The following CAMKMT variants were observed in gnomAD, a reference collection of about 807,000 sequenced individuals.
CAMKMT encodes calmodulin-lysine N-methyltransferase, also known as CaM KMT.
A neutral mutation model predicts 48.0 loss-of-function variants in CAMKMT; 53 were observed. That is an observed-to-expected ratio of 1.10 (90% confidence interval 0.89 to 1.39). The LOEUF is 1.39. CAMKMT is among the 40% of genes most tolerant of loss of function. The probability of loss-of-function intolerance (pLI) is 0.00; values close to 1 mark genes in which losing one functional copy is unlikely to be tolerated. For synonymous variants in CAMKMT, 165 were observed against 152.3 expected, an observed-to-expected ratio of 1.08 and a Z score of -0.61; for missense variants, 428 against 402.7, an observed-to-expected ratio of 1.06 and a Z score of -0.54.
chr2:44,757,891 A>G (rs947806760), intron 9 of CAMKMT, among the ~76,000 whole-genome samples: 47 of 152,254 alleles, frequency 3.1e-4, no homozygotes, highest in Middle Eastern at 3.4e-3. Context: ...CCTTTTTCCA[A>G]GCATTTTCCT....
At chr2:44,424,985 C>G (rs913463435) in intron 3 of CAMKMT, among the ~76,000 whole-genome samples, 2 of 152,150 alleles carry the variant, frequency 1.3e-5, no homozygotes, top group Non-Finnish European at 2.9e-5. Flanking sequence ...TATACATGAT[C>G]TAGAACATGA....
chr2:44,743,658 A>C lies in CAMKMT; in HGVS notation c.660A>C (p.Gln220His). ...GGGATAATGAGACAGATGTCTCTCA[A>C]CTGGAAGGACATTTTGACATTGTTA... is the stretch of plus-strand genomic sequence containing the variant. ...LRWDNETDVS[Q>H]LEGHFDIVMC... The change falls in exon 8 of 11, where the codon CAA (glutamine) becomes CAC (histidine). Residue 220 changes from glutamine to histidine, a missense_variant. Gln to His is a conservative substitution (Grantham distance 24, BLOSUM62 0). Transcript: ENST00000378494. 2 of 1,613,484 alleles carry C rather than the reference A, an allele frequency of 1.2e-6. No individual in the cohort carries two copies. Among genetic ancestry groups the C allele is most frequent in the East Asian group, 2.2e-5 (1 of 44,858 alleles).
intron 7 of CAMKMT, among the ~76,000 whole-genome samples, chr2:44,715,665 C>T (rs1052488822): frequency 2.0e-5 from 3 of 152,182 alleles, no homozygotes; most frequent in Non-Finnish European, 4.4e-5. Flanking sequence ...TTAAATGGCT[C>T]TCTTCCAGTG....
At chr2:44,413,525 G>A (rs1018053221) in intron 3 of CAMKMT, among the ~76,000 whole-genome samples, 4 of 151,860 alleles carry the variant, frequency 2.6e-5, no homozygotes, top group East Asian at 1.9e-4. Context: ...GGTGGCATGC[G>A]CCTATAATCC....
chr2:44,527,785 G>GCCCC (rs71393280), intron 3 of CAMKMT, among the ~76,000 whole-genome samples: 22 of 84,814 alleles, frequency 2.6e-4, no homozygotes, highest in East Asian at 9.8e-4. Context: ...CATGTGTACA[G>GCCCC]CCCCCCCCCC....
chr2:44,397,687 G>C (rs1018522337), intron 3 of CAMKMT, among the ~76,000 whole-genome samples: 2 of 151,802 alleles, frequency 1.3e-5, no homozygotes, highest in Non-Finnish European at 2.9e-5. Context: ...AATTACCAGA[G>C]AAGGAAAAAG....
At chr2:44,455,285 G>T (rs929920299) in intron 3 of CAMKMT, among the ~76,000 whole-genome samples, 18 of 151,544 alleles carry the variant, frequency 1.2e-4, no homozygotes, top group African/African-American at 4.3e-4. Context: ...AGATGGGCAG[G>T]ATGAAAGAAG....
intron 3 of CAMKMT, among the ~76,000 whole-genome samples, chr2:44,546,017 G>A (rs1319464582): frequency 1.3e-5 from 2 of 152,014 alleles, no homozygotes; most frequent in Non-Finnish European, 2.9e-5. Flanking sequence ...TAAACTGTAA[G>A]TAAATTTCTC....
intron 3 of CAMKMT, among the ~76,000 whole-genome samples, chr2:44,445,542 C>T (rs1666930068): frequency 6.6e-6 from 1 of 151,918 alleles, no homozygotes; most frequent in Admixed American, 6.6e-5. Context: ...GGACATTCCC[C>T]TAAGATGCAC....
Position 44,515,718 on chromosome 2 carries a change from A to G in CAMKMT, c.376+125413A>G, listed in dbSNP as rs114198722. ...GCACATGTTGAAATTTGTAGTAGAC[A>G]GCTGGGAGGAACTAATGGAAGCTTA... On this transcript the variant is annotated intron_variant, in intron 3 of 10. Transcript: ENST00000378494. 2.7e-3 allele frequency among the ~76,000 whole-genome samples: 417 copies of G among 152,378 alleles called. 3 individuals are homozygous for G. The highest frequency in any genetic ancestry group is 9.8e-3 in the African/African-American group (406 of 41,584).
chr2:44,575,365 C>G (rs62131348), intron 3 of CAMKMT, among the ~76,000 whole-genome samples: 88,245 of 151,188 alleles, frequency 0.58, 26,371 homozygotes, highest in Middle Eastern at 0.66. Flanking sequence ...AGGCATGAGC[C>G]ACCACGCCCA....
chr2:44,683,065 A>G (rs940803246), intron 3 of CAMKMT, among the ~76,000 whole-genome samples: 1 of 152,138 alleles, frequency 6.6e-6, no homozygotes, highest in Non-Finnish European at 1.5e-5. Context: ...ATTTCTAAAG[A>G]TTTTATATTG....
rs1178541719 is a variant in CAMKMT, at chr2:44,684,203, T to G, written c.377-20080T>G. Among the ~76,000 whole-genome samples the G allele has an allele frequency of 2.6e-5, 4 of 152,324 alleles. No homozygotes were observed. In the East Asian group the frequency reaches 7.7e-4, roughly 29 times the overall value. ...TCCTGAGAAGTCCAGCATGAGTTCA[T>G]AGAGACCGTGATGACTTCTCCGTTC... is the stretch of plus-strand genomic sequence containing the variant. On this transcript the variant is annotated intron_variant, in intron 3 of 10. Transcript: ENST00000378494.
intron 3 of CAMKMT, among the ~76,000 whole-genome samples, chr2:44,435,028 G>C (rs964933914): frequency 6.6e-6 from 1 of 152,020 alleles, no homozygotes; most frequent in African/African-American, 2.4e-5. Context: ...AGCATCGTTA[G>C]GTTCTTTTGA....
At chr2:44,381,173 TG>T (rs2104386835) in intron 2 of CAMKMT, among the ~76,000 whole-genome samples, 1 of 151,976 alleles carries the variant, frequency 6.6e-6, no homozygotes, top group South Asian at 2.1e-4. Context: ...AAAGAAATAA[TG>T]CTTTCCAGAA....
At chr2:44,492,149 A>T (rs1050991741) in intron 3 of CAMKMT, among the ~76,000 whole-genome samples, 1 of 152,120 alleles carries the variant, frequency 6.6e-6, no homozygotes, top group South Asian at 2.1e-4. Context: ...TAATGAAATT[A>T]TGTCCCTTAT....
At chr2:44,621,373 A>G (rs192131675) in intron 3 of CAMKMT, among the ~76,000 whole-genome samples, 278 of 152,128 alleles carry the variant, frequency 1.8e-3, no homozygotes, top group African/African-American at 6.3e-3. Context: ...GGTCTTTCCA[A>G]GGCTCTACCT....
intron 3 of CAMKMT, among the ~76,000 whole-genome samples, chr2:44,553,740 A>G (rs1284902348): frequency 1.3e-5 from 2 of 152,184 alleles, no homozygotes; most frequent in Non-Finnish European, 2.9e-5. Context: ...AGATGGGAAG[A>G]TAGTCAACTG....
intron 3 of CAMKMT, among the ~76,000 whole-genome samples, chr2:44,543,991 T>C (rs1045447455): frequency 1.4e-4 from 21 of 152,150 alleles, no homozygotes; most frequent in African/African-American, 5.1e-4. Flanking sequence ...CTAAGATAGG[T>C]CAAATGAAGT....
Sources: allele counts gnomAD v4.1 joint callset (sites outside exome capture counted in the v4.1 genomes callset), GRCh38; gene constraint gnomAD v4.1.1; transcripts MANE v1.5; gene names NCBI Gene and HGNC (gene_info 2026-07-23, HGNC 2026-07-21).